COP1: variants seen among roughly 807,000 people sequenced by gnomAD.
COP1 encodes E3 ubiquitin-protein ligase COP1.
COP1 carries 24 observed loss-of-function variants against 101.3 expected under a neutral mutation model. That is an observed-to-expected ratio of 0.24 (90% CI 0.17 to 0.33). COP1 has a LOEUF of 0.33. COP1 is among the 10% of genes least tolerant of loss of function. The probability of loss-of-function intolerance (pLI) is 1.00; values close to 1 mark genes in which losing one functional copy is unlikely to be tolerated. For missense variants in COP1, 663 were observed against 906.2 expected, an observed-to-expected ratio of 0.73 and a Z score of 3.45; for synonymous variants, 347 against 341.9, an observed-to-expected ratio of 1.01 and a Z score of -0.17.
intron 9 of COP1, among the ~76,000 whole-genome samples, chr1:176,087,405 T>C (rs935698162): frequency 4.0e-5 from 6 of 151,810 alleles, no homozygotes; most frequent in African/African-American, 1.5e-4. Context: ...CACAAAGAAA[T>C]TTACGAGAAA....
At chr1:176,172,918 T>C (rs577695807) in intron 3 of COP1, among the ~76,000 whole-genome samples, 2 of 152,096 alleles carry the variant, frequency 1.3e-5, no homozygotes, top group Non-Finnish European at 2.9e-5. Context: ...AAAACACAAA[T>C]AGATGTATCA....
chr1:176,115,115 G>A (rs6673760), intron 9 of COP1, among the ~76,000 whole-genome samples: 44,345 of 152,068 alleles, frequency 0.29, 7,805 homozygotes, highest in Admixed American at 0.38. Flanking sequence ...TAGTATTTTC[G>A]TAATTTTTCT....
At chr1:176,130,908 C>A (rs1468256964) in intron 8 of COP1, among the ~76,000 whole-genome samples, 1 of 151,730 alleles carries the variant, frequency 6.6e-6, no homozygotes, top group Non-Finnish European at 1.5e-5. Context: ...GTGGTTAATT[C>A]TATCTCCTGC....
chr1:175,944,983 A>G lies in COP1; in HGVS notation c.*170T>C. On this transcript the variant is annotated 3_prime_UTR_variant, in exon 20 of 20. Transcript: ENST00000367669. ...GTTGGCTGGGTATTCCCAATGTCCC[A>G]AAGGTCATAAAGGAGGGAAAAGAAA... is the stretch of plus-strand genomic sequence containing the variant. 1.6e-6 allele frequency: 1 copy of G among 620,600 alleles called. No homozygotes were observed. Among genetic ancestry groups the G allele is most frequent in the South Asian group, 2.1e-5 (1 of 47,252 alleles). 38.4% of individuals were successfully genotyped at this position (620,600 alleles called of 1,614,324 possible).
intron 11 of COP1, among the ~76,000 whole-genome samples, chr1:176,068,325 G>A (rs1322577622): frequency 6.6e-6 from 1 of 151,990 alleles, no homozygotes; most frequent in Admixed American, 6.6e-5. Context: ...TTGCAGACCA[G>A]CAGCATCACT....
rs151077170 is a variant in COP1, at chr1:176,197,690, C to T, written c.407+8882G>A. Among the ~76,000 whole-genome samples, 405 of 152,212 alleles carry T rather than the reference C, an allele frequency of 2.7e-3. 3 individuals carry two copies. The highest frequency in any genetic ancestry group is 9.2e-3 in the African/African-American group (384 of 41,540). On this transcript the variant is annotated intron_variant, in intron 1 of 19. Transcript: ENST00000367669. Reference sequence around the variant, plus strand: ...CCAATCAAATAAATCCATTAACGTACGTTCTTTAAATAGGGCATATAAATT... The same window carrying T: ...CCAATCAAATAAATCCATTAACGTATGTTCTTTAAATAGGGCATATAAATT...
At chr1:175,968,398 G>C (rs759658789) in intron 18 of COP1, 3 of 511,490 alleles carry the variant, frequency 5.9e-6, no homozygotes, top group Admixed American at 2.0e-5. Flanking sequence ...AGTTTTAAAG[G>C]CTGTACGGAG....
intron 18 of COP1, among the ~76,000 whole-genome samples, chr1:175,956,917 G>T (rs1029714938): frequency 5.3e-5 from 8 of 152,112 alleles, no homozygotes; most frequent in African/African-American, 1.7e-4. Flanking sequence ...AGATGTAGAA[G>T]ACAGTGATGT....
At chr1:176,074,505 T>C (rs1359200066) in intron 11 of COP1, among the ~76,000 whole-genome samples, 5 of 152,166 alleles carry the variant, frequency 3.3e-5, no homozygotes, top group Admixed American at 6.5e-5. Context: ...AAAACGAATG[T>C]AGCATGCAAG....
At chr1:176,150,107 A>G (rs1692181934) in intron 5 of COP1, among the ~76,000 whole-genome samples, 1 of 152,208 alleles carries the variant, frequency 6.6e-6, no homozygotes, top group Non-Finnish European at 1.5e-5. Flanking sequence ...AAGTGCCCAG[A>G]TGATAAGAAT....
At position 176,202,714 on chromosome 1, in the gene COP1, G is replaced by A. The variant is rs534286041; in HGVS notation, c.407+3858C>T. 9.2e-5 allele frequency among the ~76,000 whole-genome samples: 14 copies of A among 151,996 alleles called. 1 individual carries two copies. Among genetic ancestry groups the A allele is most frequent in the South Asian group, 4.1e-4 (2 of 4,820 alleles). Reference sequence around the variant, plus strand: ...GGAAACCAGTTATATTAACAAGAATGGTCAACAGGCTTCATTTTTAGTGCT... The same window carrying A: ...GGAAACCAGTTATATTAACAAGAATAGTCAACAGGCTTCATTTTTAGTGCT... On this transcript the variant is annotated intron_variant, in intron 1 of 19. Transcript: ENST00000367669.
At chr1:176,063,617 G>A (rs1346123803) in intron 11 of COP1, among the ~76,000 whole-genome samples, 1 of 152,142 alleles carries the variant, frequency 6.6e-6, no homozygotes, top group Non-Finnish European at 1.5e-5. Context: ...AAGAAGAGGA[G>A]AGAATGTGAA....
At position 175,951,455 on chromosome 1, in the gene COP1, TATATATAA is replaced by T. The variant is rs1310165112; in HGVS notation, c.2134-4224_2134-4217del. On this transcript the variant is annotated intron_variant, in intron 18 of 19. Coordinates refer to ENST00000367669, the MANE Select transcript of COP1 (RefSeq NM_022457.7). ...ATACGTGAATATATATATATATATA[TATATATAA>T]AAACTTCCATTTTTGGCCATAACAG... Among the ~76,000 whole-genome samples, 23 of 98,990 alleles carry T rather than the reference TATATATAA, an allele frequency of 2.3e-4. 1 individual carries two copies. In the South Asian group the frequency reaches 4.4e-3, roughly 19 times the overall value. 64.9% of individuals were successfully genotyped at this position (98,990 alleles called of 152,430 possible). A position where few individuals can be genotyped will look rare whatever the true frequency, so the allele number is the denominator to read the frequency against.
At chr1:176,191,029 C>T (rs1223934561) in intron 1 of COP1, among the ~76,000 whole-genome samples, 1 of 152,000 alleles carries the variant, frequency 6.6e-6, no homozygotes, top group Admixed American at 6.6e-5. Flanking sequence ...GAAACACTTT[C>T]GTGTTTTGAT....
intron 8 of COP1, among the ~76,000 whole-genome samples, chr1:176,118,445 A>C (rs1323180647): frequency 6.6e-6 from 1 of 152,180 alleles, no homozygotes; most frequent in Non-Finnish European, 1.5e-5. Flanking sequence ...ACTATAGTTA[A>C]CAACAATGTA....
At chr1:175,999,291 ACTCT>A (rs1225334950) in intron 15 of COP1, among the ~76,000 whole-genome samples, 1 of 151,640 alleles carries the variant, frequency 6.6e-6, no homozygotes, top group Non-Finnish European at 1.5e-5. Flanking sequence ...CCATCCTTCT[ACTCT>A]CTATGTCCAT....
At chr1:175,991,425 T>C (rs1214562432) in intron 15 of COP1, among the ~76,000 whole-genome samples, 1 of 152,138 alleles carries the variant, frequency 6.6e-6, no homozygotes. Flanking sequence ...TTATGATGAA[T>C]GGAGTTTGCA....
chr1:176,168,986 A>G (rs935035199), intron 3 of COP1, among the ~76,000 whole-genome samples: 3 of 152,222 alleles, frequency 2.0e-5, no homozygotes, highest in African/African-American at 7.2e-5. Flanking sequence ...AAAATTGAAA[A>G]AAATGCCTGA....
intron 13 of COP1, 85 bp from the exon 14 acceptor site, chr1:176,043,352 A>G (rs909877265): frequency 2.5e-6 from 2 of 803,270 alleles, no homozygotes; most frequent in Non-Finnish European, 4.1e-6. Context: ...CCTGATATCA[A>G]TTTATTGTTA....
Sources: allele counts gnomAD v4.1 joint callset (sites outside exome capture counted in the v4.1 genomes callset), GRCh38; gene constraint gnomAD v4.1.1; transcripts MANE v1.5; gene names NCBI Gene and HGNC (gene_info 2026-07-23, HGNC 2026-07-21).